CLK3: variants seen among roughly 807,000 people sequenced by gnomAD.
CLK3 encodes the protein CDC like kinase 3.
A neutral mutation model predicts 65.2 loss-of-function variants in CLK3; 24 were observed. That is an observed-to-expected ratio of 0.37 (90% CI 0.27 to 0.52). The LOEUF is 0.52. Ranked by LOEUF, CLK3 falls within the 20% of genes least tolerant of loss-of-function variation. CLK3 has a pLI of 0.92. For synonymous variants in CLK3, 252 were observed against 240.8 expected (o/e 1.05, Z -0.43); for missense variants, 506 against 660.0 (o/e 0.77, Z 2.56).
At chr15:74,611,726 C>T (rs938662672), upstream of CLK3, among the ~76,000 whole-genome samples, 1 of 152,214 alleles carries the variant, frequency 6.6e-6, no homozygotes, top group African/African-American at 2.4e-5. Context: ...TCCAATGCCC[C>T]GAGGAAATAG....
rs769589707 is a variant in CLK3 at position 74,629,035 on chromosome 15, C to A, written c.1296+3C>A. 1 of 1,607,836 alleles carries A rather than the reference C, an allele frequency of 6.2e-7. No homozygotes were observed. Among genetic ancestry groups the A allele is most frequent in the East Asian group, 2.2e-5 (1 of 44,854 alleles). ...AGGAGAACTGCAAACCTCTGAAGGT[C>A]AGTTTCTGGCTACCCCCAGCTGAAC... On this transcript the variant is annotated splice_donor_region_variant and intron_variant, in intron 12 of 12. Transcript: ENST00000395066.
At chr15:74,615,531 C>A (rs560316876), upstream of CLK3, 216 of 1,288,718 alleles carry the variant, frequency 1.7e-4, 1 homozygote, top group African/African-American at 3.1e-3. Flanking sequence ...CCCAGCCCCA[C>A]GGCCAGGTCG....
chr15:74,629,853 C>G lies in CLK3; in HGVS notation c.1443C>G (p.Ser481=). 6.2e-7 allele frequency: 1 copy of G among 1,609,280 alleles called. No homozygotes were observed. The highest frequency in any genetic ancestry group is 1.1e-5 in the South Asian group (1 of 90,386). The part of the protein sequence containing the change: ...FFAGLTPEER[S]FHTSRNPSR ...CTGGCCTGACCCCTGAGGAGCGGTCCTTCCACACCAGCCGCAACCCAAGCA... is the reference window on the plus strand; with the variant it reads ...CTGGCCTGACCCCTGAGGAGCGGTCGTTCCACACCAGCCGCAACCCAAGCA... Residue 481 remains serine (S), a synonymous_variant, in exon 13 of 13, where the codon TCC becomes TCG. Transcript: ENST00000395066.
intron 1 of CLK3, among the ~76,000 whole-genome samples, chr15:74,616,918 G>C (rs2062065009): frequency 6.6e-6 from 1 of 152,230 alleles, no homozygotes; most frequent in South Asian, 2.1e-4. Context: ...TCATTGTGCA[G>C]AGCAGAGCTT....
Position 74,627,163 on chromosome 15 carries a change from A to G in CLK3, c.818-189A>G. On this transcript the variant is annotated intron_variant, in intron 7 of 12. Coordinates refer to ENST00000395066, the MANE Select transcript of CLK3 (RefSeq NM_001130028.2). This position sits in a 1 kb window ranked among gnomAD's most constrained non-coding sequence, Gnocchi z 4.3. The stretch of plus-strand genomic sequence containing the variant: ...CCCTGCTAAAGTATCAGAACCCTCC[A>G]AGGCCTCAAGTACAGAGAACCCTTG... 1 of 715,432 alleles carries G rather than the reference A, an allele frequency of 1.4e-6. No homozygotes were observed. Among genetic ancestry groups the G allele is most frequent in the South Asian group, 1.4e-5 (1 of 69,970 alleles). 44.3% of individuals were successfully genotyped at this position (715,432 alleles called of 1,614,324 possible).
chr15:74,620,132 T>G lies in CLK3; in HGVS notation c.276T>G (p.Arg92=). 1 of 1,614,166 alleles carries G rather than the reference T, an allele frequency of 6.2e-7. No individual in the cohort carries two copies. The highest frequency in any genetic ancestry group is 1.3e-5 in the African/African-American group (1 of 75,046). The part of the protein sequence containing the change: ...DYYGPSRSRH[R]RRSRERGPYR... ...ATGGACCTTCACGTTCTCGTCATCGTCGGCGATCGCGGGAGAGGGGGCCAT... is the reference window on the plus strand; with the variant it reads ...ATGGACCTTCACGTTCTCGTCATCGGCGGCGATCGCGGGAGAGGGGGCCAT... Residue 92 remains arginine, a synonymous_variant, in exon 3 of 13, where the codon CGT becomes CGG. Transcript: ENST00000395066.
chr15:74,611,500 G>A (rs748850113), upstream of CLK3, among the ~76,000 whole-genome samples: 7 of 152,376 alleles, frequency 4.6e-5, no homozygotes, highest in South Asian at 2.1e-4. Flanking sequence ...GGCACTGCCC[G>A]AAGACGGCTT....
chr15:74,622,033 C>A lies in CLK3; in HGVS notation c.370-87C>A. 7.8e-7 allele frequency: 1 copy of A among 1,279,000 alleles called. No homozygotes were observed. Among genetic ancestry groups the A allele is most frequent in the Non-Finnish European group, 1.1e-6 (1 of 880,588 alleles). 79.2% of individuals were successfully genotyped at this position (1,279,000 alleles called of 1,614,324 possible). ...CACCGGCTCCTCACCGTCTCCACCT[C>A]TGCCTTTGACTGACACCTCAATCTG... On this transcript the variant is annotated intron_variant, in intron 3 of 12. Transcript: ENST00000395066. The surrounding 1 kb of genome is among the most constrained non-coding windows in gnomAD (Gnocchi z 4.6).
At chr15:74,629,187 G>C in intron 12 of CLK3, 155 bp downstream of exon 12, 1 of 723,098 alleles carries the variant, frequency 1.4e-6, no homozygotes, top group Non-Finnish European at 2.5e-6. Flanking sequence ...GCTGGCAATG[G>C]GGCTTCTTGC....
upstream of CLK3, chr15:74,613,382 T>C (rs1242235424): frequency 2.0e-5 from 3 of 151,858 alleles, no homozygotes; most frequent in East Asian, 1.9e-4. Context: ...TCCTCTGAGG[T>C]GGGGATGGGA....
At chr15:74,619,921 T>C in intron 2 of CLK3, 88 bp from the exon 3 acceptor site, 1 of 1,587,070 alleles carries the variant, frequency 6.3e-7, no homozygotes. Context: ...TGTCCCCCTT[T>C]AGCCCTTTAC....
upstream of CLK3, among the ~76,000 whole-genome samples, chr15:74,612,525 G>GA (rs1318174353): frequency 6.6e-6 from 1 of 152,142 alleles, no homozygotes; most frequent in Non-Finnish European, 1.5e-5. Flanking sequence ...CCCTGGCTCT[G>GA]AAAGGGCACA....
chr15:74,611,816 C>T (rs907087426), upstream of CLK3, among the ~76,000 whole-genome samples: 95 of 152,372 alleles, frequency 6.2e-4, no homozygotes, highest in African/African-American at 2.1e-3. Flanking sequence ...AGGACAGATC[C>T]TGGAGCTGGG....
At chr15:74,629,303 C>A in intron 12 of CLK3, 1 of 568,978 alleles carries the variant, frequency 1.8e-6, no homozygotes, top group Non-Finnish European at 3.2e-6. Context: ...CTGCTGCTTC[C>A]TGTCCCTCTC....
At position 74,627,140 on chromosome 15, in the gene CLK3, C is replaced by A; in HGVS notation, c.818-212C>A. 1 of 675,260 alleles carries A rather than the reference C, an allele frequency of 1.5e-6. No homozygotes were observed. Among genetic ancestry groups the A allele is most frequent in the Non-Finnish European group, 2.7e-6 (1 of 366,270 alleles). 41.8% of individuals were successfully genotyped at this position (675,260 alleles called of 1,614,324 possible). ...AATGGCAAATTTCTTTCCTACCCCC[C>A]TGCTAAAGTATCAGAACCCTCCAAG... On this transcript the variant is annotated intron_variant, in intron 7 of 12. Coordinates refer to ENST00000395066, the MANE Select transcript of CLK3 (RefSeq NM_001130028.2). The surrounding 1 kb of genome is among the most constrained non-coding windows in gnomAD (Gnocchi z 4.3).
Position 74,627,707 on chromosome 15 carries a change from C to G in CLK3, c.1042+39C>G. 2 of 1,612,028 alleles carry G rather than the reference C, an allele frequency of 1.2e-6. No individual in the cohort carries two copies. The highest frequency in any genetic ancestry group is 8.5e-7 in the Non-Finnish European group (1 of 1,179,286). ...TGGCCTGTGACCTTGTCATACTGGA[C>G]TGTTGTTGGGAGGGTATGAGCAGAG... On this transcript the variant is annotated intron_variant, in intron 9 of 12. Coordinates refer to ENST00000395066, the MANE Select transcript of CLK3 (RefSeq NM_001130028.2). This position sits in a 1 kb window ranked among gnomAD's most constrained non-coding sequence, Gnocchi z 4.3.
upstream of CLK3, chr15:74,615,407 G>A: frequency 1.6e-6 from 2 of 1,243,526 alleles, no homozygotes; most frequent in Non-Finnish European, 2.0e-6. Flanking sequence ...CCGAGCTCCG[G>A]CACACAGACC....
At position 74,628,981 on chromosome 15, in the gene CLK3, T is replaced by G. The variant is rs1299872978; in HGVS notation, c.1245T>G (p.Asp415Glu). 2 of 1,613,904 alleles carry G rather than the reference T, an allele frequency of 1.2e-6. No homozygotes were observed. Among genetic ancestry groups the G allele is most frequent in the Non-Finnish European group, 8.5e-7 (1 of 1,179,932 alleles). The part of the protein sequence containing the change: ...KYFYKGGLVW[D>E]ENSSDGRYVK... ...TCTACAAAGGGGGCCTAGTTTGGGA[T>G]GAGAACAGCTCTGACGGCCGGTATG... is the stretch of plus-strand genomic sequence containing the variant. The change falls in exon 12 of 13, where the codon GAT becomes GAG. Residue 415 changes from aspartate (D) to glutamate (E), a missense_variant. Asp to Glu is a conservative substitution (Grantham distance 45). Around this residue, in one of 2 missense-constraint regions of CLK3, gnomAD observed 325 missense variants for 500.5 expected, o/e 0.65. Transcript: ENST00000395066.
At chr15:74,616,195 ACGTAG>A (rs2062058454) in intron 1 of CLK3, among the ~76,000 whole-genome samples, 1 of 152,198 alleles carries the variant, frequency 6.6e-6, no homozygotes, top group African/African-American at 2.4e-5. Context: ...TCGGGGTCCG[ACGTAG>A]AAGAGCCAGA....
Sources: allele counts gnomAD v4.1 joint callset (sites outside exome capture counted in the v4.1 genomes callset), GRCh38; gene constraint gnomAD v4.1.1; regional missense constraint gnomAD v4.1.1; non-coding constraint Gnocchi (gnomAD v3.1); transcripts MANE v1.5; gene names NCBI Gene and HGNC (gene_info 2026-07-23, HGNC 2026-07-21).